RP1L1: variants seen among roughly 807,000 people sequenced by gnomAD.
RP1L1 encodes retinitis pigmentosa 1-like 1 protein.
In RP1L1, 27 loss-of-function variants were observed where a neutral mutation model predicts 15.7. The observed-to-expected ratio is 1.72, with a 90% CI of 1.27 to 2.38. The LOEUF (loss-of-function observed/expected upper bound fraction) is 2.38, where lower values mean the gene tolerates loss of function less well. Ranked by LOEUF, RP1L1 falls within the 30% of genes most tolerant of loss-of-function variation. RP1L1 has a pLI of 0.00. For missense variants in RP1L1, 4,798 were observed against 3,075.9 expected (o/e 1.56, Z -13.24); for synonymous variants, 1,813 against 1,276.7 (o/e 1.42, Z -8.96).
chr8:10,607,580 G>T lies in RP1L1; in HGVS notation c.6518C>A (p.Ala2173Asp), dbSNP rs1479727735. ...GIEAQEAEEEAQPELEGVEAP... is the reference protein window; with the variant it reads ...GIEAQEAEEEDQPELEGVEAP... The stretch of plus-strand genomic sequence containing the variant: ...CTCTACACCTTCTAACTCTGGTTGG[G>T]CCTCCTCTTCAGCCTCCTGGGCCTC... The change falls in exon 4 of 4, where the codon GCC (alanine) becomes GAC (aspartate). Residue 2173 changes from alanine (A) to aspartate (D), a missense_variant. By Grantham distance (126) the Ala-to-Asp change is moderately radical. Transcript: ENST00000382483. The T allele has an allele frequency of 1.3e-6, 2 of 1,563,706 alleles. No homozygotes were observed. The highest frequency in any genetic ancestry group is 1.1e-5 in the South Asian group (1 of 88,210).
Position 10,606,739 on chromosome 8 carries a change from G to A in RP1L1, c.*156C>T. 1 of 1,277,852 alleles carries A rather than the reference G, an allele frequency of 7.8e-7. No homozygotes were observed. The highest frequency in any genetic ancestry group is 1.1e-6 in the Non-Finnish European group (1 of 937,008). The allele number at this position is 1,277,852 out of a possible 1,614,324, so 79.2% of individuals were successfully genotyped here. A position where few individuals can be genotyped will look rare whatever the true frequency, so the allele number is the denominator to read the frequency against. ...ACACTTCTGGACTTAAGAGTCCCAG[G>A]ACAGCATGGCATGGGCTGTGTCCTT... On this transcript the variant is annotated 3_prime_UTR_variant, in exon 4 of 4. Transcript: ENST00000382483.
rs773932368 is a variant in RP1L1 at position 10,623,127 on chromosome 8, G to T, written c.75C>A (p.Pro25=). 1 of 1,610,510 alleles carries T rather than the reference G, an allele frequency of 6.2e-7. No individual in the cohort carries two copies. ...TGGCTGGCGTGACCTTGGTGACCGA[G>T]GGGGTGCGAGCCACAGAGGGCAGGA... ...ECFLPSVART[P]SVTKVTPAKK... The change falls in exon 2 of 4, where the codon CCC becomes CCA. Residue 25 remains proline (P), a synonymous_variant. Coordinates refer to ENST00000382483, the MANE Select transcript of RP1L1 (RefSeq NM_178857.6).
Position 10,612,780 on chromosome 8 carries a change from GGCCCCACAGGCCACT to G in RP1L1, c.1303_1317del (p.Ser435_Gly439del). The G allele has an allele frequency of 6.2e-7, 1 of 1,610,152 alleles. No homozygotes were observed. The highest frequency in any genetic ancestry group is 8.5e-7 in the Non-Finnish European group (1 of 1,179,944). Reference sequence around the variant, plus strand: ...CATCTCTCCCTCCCGGCAGTCCCGTGGCCCCACAGGCCACTGCAGCGGACGTGCTGGGCCAGTCCC... The same window carrying G: ...CATCTCTCCCTCCCGGCAGTCCCGTGGCAGCGGACGTGCTGGGCCAGTCCC... On this transcript the variant is annotated inframe_deletion, in exon 4 of 4. Transcript: ENST00000382483.
rs1165259211 is a variant in RP1L1, at chr8:10,616,582, G to T, written c.615C>A (p.Asp205Glu). The T allele has an allele frequency of 6.2e-7, 1 of 1,611,906 alleles. No homozygotes were observed. ...GGCTGTGCAGCAGGGCCTGCAGCGA[G>T]TCCACCTGAGGGAGGAGCGGGCGGG... ...QLYTTSGKKV[D>E]SLQALLHSPS... The change falls in exon 3 of 4, where the codon GAC (aspartate) becomes GAA (glutamate). Residue 205 changes from aspartate (D) to glutamate (E), a missense_variant. Physicochemically the swap from Asp to Glu is conservative, Grantham distance 45. Transcript: ENST00000382483.
chr8:10,641,771 T>A (rs777104144), intron 1 of RP1L1, among the ~76,000 whole-genome samples: 4 of 152,226 alleles, frequency 2.6e-5, no homozygotes, highest in Non-Finnish European at 5.9e-5. Flanking sequence ...CTTCAAAGAA[T>A]GAAGACTTAA....
Position 10,612,244 on chromosome 8 carries a change from G to T in RP1L1, c.1854C>A (p.Ser618=), listed in dbSNP as rs745987763. 7.4e-6 allele frequency: 12 copies of T among 1,613,146 alleles called. No homozygotes were observed. In the South Asian group the frequency reaches 1.3e-4, roughly 18 times the overall value. The part of the protein sequence containing the change: ...REPLVLGLSC[S]WDSEGASSTP... ...TGGAAGAGGCTCCTTCCGAGTCCCA[G>T]GAGCAGGAAAGGCCCAGAACCAGAG... is the stretch of plus-strand genomic sequence containing the variant. Residue 618 remains serine (S), a synonymous_variant, in exon 4 of 4, where the codon TCC becomes TCA. Transcript: ENST00000382483.
intron 2 of RP1L1, among the ~76,000 whole-genome samples, chr8:10,618,489 A>T (rs192613725): frequency 6.6e-6 from 1 of 152,206 alleles, no homozygotes; most frequent in Non-Finnish European, 1.5e-5. Context: ...CCTGGGTGAC[A>T]GAGTGAAACT....
At chr8:10,633,831 C>G (rs1455925874) in intron 1 of RP1L1, among the ~76,000 whole-genome samples, 1 of 152,202 alleles carries the variant, frequency 6.6e-6, no homozygotes, top group Non-Finnish European at 1.5e-5. Flanking sequence ...TCCAATTAAT[C>G]TCCACATAGT....
At chr8:10,624,475 G>A (rs1037752707) in intron 1 of RP1L1, among the ~76,000 whole-genome samples, 9 of 152,240 alleles carry the variant, frequency 5.9e-5, no homozygotes, top group African/African-American at 2.2e-4. Flanking sequence ...CCTGGAGGAG[G>A]TGATGCAGAG....
Position 10,608,030 on chromosome 8 carries a change from A to G in RP1L1, c.6068T>C (p.Val2023Ala). 1 of 1,595,100 alleles carries G rather than the reference A, an allele frequency of 6.3e-7. No individual in the cohort carries two copies. Among genetic ancestry groups the G allele is most frequent in the Non-Finnish European group, 8.5e-7 (1 of 1,175,450 alleles). ...EEEAQPESDG[V>A]EAQPKSEGEE... ...ACCTTCTGACTTTGGCTGGGCCTCT[A>G]CACCGTCTGACTCTGGCTGGGCCTC... Residue 2023 changes from valine (V) to alanine (A), a missense_variant, in exon 4 of 4, where the codon GTA (valine) becomes GCA (alanine). Val to Ala is a moderately conservative substitution (Grantham distance 64). Coordinates refer to ENST00000382483, the MANE Select transcript of RP1L1 (RefSeq NM_178857.6).
Position 10,622,611 on chromosome 8 carries a change from G to A in RP1L1, c.591C>T (p.Tyr197=), listed in dbSNP as rs781768770. Residue 197 remains tyrosine, a synonymous_variant, in exon 2 of 4, where the codon TAC becomes TAT. Coordinates refer to ENST00000382483, the MANE Select transcript of RP1L1 (RefSeq NM_178857.6). ...DLLRFPVKQL[Y]TTSGKKVDSL... ...AGCCTACCTTTTTCCCGCTGGTCGT[G>A]TACAACTGCTTCACAGGAAAGCGCA... The A allele has an allele frequency of 2.5e-6, 4 of 1,614,062 alleles. No homozygotes were observed. The East Asian group carries it at 6.7e-5, about 27-fold the overall frequency.
At position 10,611,554 on chromosome 8, in the gene RP1L1, C is replaced by T. The variant is rs1188818594; in HGVS notation, c.2544G>A (p.Leu848=). The T allele has an allele frequency of 1.9e-6, 3 of 1,599,134 alleles. No individual in the cohort carries two copies. The highest frequency in any genetic ancestry group is 1.7e-6 in the Non-Finnish European group (2 of 1,173,260). ...GCGGGGTGGGACAGTACCTGCCACA[C>T]AGCCAGCTAGCCTCAGGGGAGGGTC... ...QRGPSPEASW[L]CGRYCPTPPR... Residue 848 remains leucine, a synonymous_variant, in exon 4 of 4, where the codon CTG becomes CTA. Transcript: ENST00000382483.
chr8:10,633,993 C>T (rs1475733784), intron 1 of RP1L1, among the ~76,000 whole-genome samples: 1 of 152,100 alleles, frequency 6.6e-6, no homozygotes, highest in African/African-American at 2.4e-5. Flanking sequence ...TGCCCGAGGG[C>T]CTGACCAGGA....
rs746797585 is a variant in RP1L1, at chr8:10,613,115, C to T, written c.983G>A (p.Arg328His). The T allele has an allele frequency of 1.1e-5, 18 of 1,613,820 alleles. No individual in the cohort carries two copies. Among genetic ancestry groups the T allele is most frequent in the African/African-American group, 8.0e-5 (6 of 74,954 alleles). ...CGTGTCCTCGCCGACCAGGTGGAAGCGGACTTTCATCTCCACGGACAGGCT... is the reference window on the plus strand; with the variant it reads ...CGTGTCCTCGCCGACCAGGTGGAAGTGGACTTTCATCTCCACGGACAGGCT... ...DGSLSVEMKV[R>H]FHLVGEDTLL... Residue 328 changes from arginine (R) to histidine (H), a missense_variant, in exon 4 of 4, where the codon CGC becomes CAC. By Grantham distance (29) the Arg-to-His change is conservative. Coordinates refer to ENST00000382483, the MANE Select transcript of RP1L1 (RefSeq NM_178857.6).
chr8:10,617,572 T>C lies in RP1L1; in HGVS notation c.610-985A>G, dbSNP rs1311026691. Among the ~76,000 whole-genome samples, 6 of 131,844 alleles carry C rather than the reference T, an allele frequency of 4.6e-5. No individual in the cohort carries two copies. In the Admixed American group the frequency reaches 4.6e-4, roughly 10 times the overall value. 86.5% of individuals were successfully genotyped at this position (131,844 alleles called of 152,430 possible). A position where few individuals can be genotyped will look rare whatever the true frequency, so the allele number is the denominator to read the frequency against. On this transcript the variant is annotated intron_variant, in intron 2 of 3. Transcript: ENST00000382483. ...TTTTTTTTTTTTTTTTTTTTTTTTT[T>C]TTGAGACGGAGTCTCGATCTGTCAC... is the stretch of plus-strand genomic sequence containing the variant.
rs563109428 is a variant in RP1L1, at chr8:10,609,350, G to C, written c.4748C>G (p.Ala1583Gly). Residue 1583 changes from alanine (A) to glycine (G), a missense_variant, in exon 4 of 4, where the codon GCG becomes GGG. Transcript: ENST00000382483. ...TGGAGGCTCCAGCACCATCCTACCC[G>C]CCCGGCCCTGGAGCTTCTGGAGCTC... The part of the protein sequence containing the change: ...KRELQKLQGR[A>G]GRMVLEPPRE... 1.2e-6 allele frequency: 2 copies of C among 1,612,234 alleles called. No homozygotes were observed. The highest frequency in any genetic ancestry group is 3.3e-5 in the Admixed American group (2 of 59,996).
chr8:10,612,680 G>C lies in RP1L1; in HGVS notation c.1418C>G (p.Pro473Arg). ...GTCCACCCCGTCCTCCGGGGTCCTG[G>C]GGCAGCAGGAGGACTCTGGCTCCGA... The part of the protein sequence containing the change: ...EGSEPESSCC[P>R]RTPEDGVDSA... The change falls in exon 4 of 4, where the codon CCC (proline) becomes CGC (arginine). Residue 473 changes from proline to arginine, a missense_variant. Coordinates refer to ENST00000382483, the MANE Select transcript of RP1L1 (RefSeq NM_178857.6). 3 of 1,602,658 alleles carry C rather than the reference G, an allele frequency of 1.9e-6. No homozygotes were observed. The highest frequency in any genetic ancestry group is 1.7e-6 in the Non-Finnish European group (2 of 1,178,120).
intron 1 of RP1L1, among the ~76,000 whole-genome samples, chr8:10,640,821 A>T (rs1306827024): frequency 6.6e-6 from 1 of 152,112 alleles, no homozygotes; most frequent in African/African-American, 2.4e-5. Flanking sequence ...CCCAAGCTGG[A>T]GTACAATGGC....
chr8:10,637,679 G>C (rs1798349776), intron 1 of RP1L1, among the ~76,000 whole-genome samples: 1 of 152,214 alleles, frequency 6.6e-6, no homozygotes, highest in Admixed American at 6.5e-5. Flanking sequence ...GTATAGCTCA[G>C]CTGAGTTTTC....
Sources: gnomAD v4.1 joint callset for allele counts (sites outside exome capture counted in the v4.1 genomes callset) on GRCh38, gnomAD v4.1.1 for gene constraint, MANE v1.5 for transcripts, NCBI Gene and HGNC (gene_info 2026-07-23, HGNC 2026-07-21) for gene names.